The following FKBP9 variants were observed in gnomAD, a reference collection of about 807,000 sequenced individuals.
The protein encoded by FKBP9 is FKBP prolyl isomerase 9, also known as peptidyl-prolyl cis-trans isomerase FKBP9.
In FKBP9, 27 loss-of-function variants were observed where a neutral mutation model predicts 55.6. The ratio of observed to expected loss-of-function variants is 0.49; its 90% CI spans 0.36 to 0.67. FKBP9 has a LOEUF of 0.67. Ranked by LOEUF, FKBP9 falls within the 30% of genes least tolerant of loss-of-function variation. The pLI, the probability that FKBP9 is intolerant of heterozygous loss-of-function variation, is 0.00. For synonymous variants in FKBP9, 267 were observed against 296.5 expected (o/e 0.90, Z 1.02); for missense variants, 539 against 742.8 (o/e 0.73, Z 3.19).
Position 32,957,573 on chromosome 7 carries a change from G to A in FKBP9, c.-1G>A, listed in dbSNP as rs1051371832. The A allele has an allele frequency of 4.1e-6, 6 of 1,462,338 alleles. No individual in the cohort carries two copies. Among genetic ancestry groups the A allele is most frequent in the Non-Finnish European group, 3.6e-6 (4 of 1,116,378 alleles). 90.6% of individuals were successfully genotyped at this position (1,462,338 alleles called of 1,614,324 possible). A position where few individuals can be genotyped will look rare whatever the true frequency, so the allele number is the denominator to read the frequency against. On this transcript the variant is annotated 5_prime_UTR_variant, in exon 1 of 10. Coordinates refer to ENST00000242209, the MANE Select transcript of FKBP9 (RefSeq NM_007270.5). ...TCCGCGCCACTCTTCTCGCCGCCCC[G>A]ATGGCGTTCCGGGGCTGGAGGCCCC...
chr7:32,977,871 A>ATGTG (rs1491571709), intron 4 of FKBP9, among the ~76,000 whole-genome samples: 1 of 51,588 alleles, frequency 1.9e-5, no homozygotes, highest in African/African-American at 4.7e-5. Context: ...ATACATGCCC[A>ATGTG]TATATATATA....
intron 7 of FKBP9, among the ~76,000 whole-genome samples, chr7:32,996,607 TTCCTTCC>T (rs1784793376): frequency 1.4e-4 from 1 of 7,160 alleles, no homozygotes; most frequent in Non-Finnish European, 2.9e-4. Context: ...ACTGCTATCT[TTCCTTCC>T]TTCCTTCCTT....
chr7:32,957,706 G>C lies in FKBP9; in HGVS notation c.133G>C (p.Asp45His). 1 of 1,542,996 alleles carries C rather than the reference G, an allele frequency of 6.5e-7. No individual in the cohort carries two copies. The highest frequency in any genetic ancestry group is 8.7e-7 in the Non-Finnish European group (1 of 1,153,886). Reference protein sequence around the residue: ...ELQIERRFVPDECPRTVRSGD... With the variant: ...ELQIERRFVPHECPRTVRSGD... ...GCAGATCGAGCGGCGCTTCGTGCCC[G>C]ACGAGTGCCCGCGCACCGTGCGCAG... The change falls in exon 1 of 10, where the codon GAC (aspartate) becomes CAC (histidine). Residue 45 changes from aspartate to histidine, a missense_variant. Coordinates refer to ENST00000242209, the MANE Select transcript of FKBP9 (RefSeq NM_007270.5).
At chr7:32,983,315 C>T (rs899667971) in intron 5 of FKBP9, among the ~76,000 whole-genome samples, 1 of 151,528 alleles carries the variant, frequency 6.6e-6, no homozygotes, top group African/African-American at 2.4e-5. Context: ...TGAGCCACTG[C>T]GCCCTGCCTT....
In FKBP9 at chr7:32,975,315, T is replaced by C. The variant is rs1177459130; in HGVS notation, c.501T>C (p.Asp167=). The C allele has an allele frequency of 1.2e-6, 2 of 1,613,992 alleles. No homozygotes were observed. The change falls in exon 3 of 10, where the codon GAT becomes GAC. Residue 167 remains aspartate (D), a synonymous_variant. Coordinates refer to ENST00000242209, the MANE Select transcript of FKBP9 (RefSeq NM_007270.5). ...PSCPRTIQVS[D]FVRYHYNGTF... The stretch of plus-strand genomic sequence containing the variant: ...GCCCTCGGACCATCCAGGTGTCTGA[T>C]TTTGTGAGGTACCACTACAACGGGA...
intron 4 of FKBP9, chr7:32,979,703 A>C: frequency 1.3e-6 from 1 of 771,426 alleles, no homozygotes; most frequent in Non-Finnish European, 2.3e-6. Flanking sequence ...TAATCTCTTC[A>C]TGTGGATTTC....
In FKBP9 at chr7:32,988,537, C is replaced by T. The variant is rs1288328770; in HGVS notation, c.924C>T (p.Tyr308=). 1.9e-6 allele frequency: 3 copies of T among 1,613,872 alleles called. No individual in the cohort carries two copies. The highest frequency in any genetic ancestry group is 2.2e-5 in the South Asian group (2 of 91,072). The stretch of plus-strand genomic sequence containing the variant: ...CTCGGAACCGCACGTTTGACACGTA[C>T]ATTGGGCAGGGCTACGTGATTCCTG... ...SYSRNRTFDT[Y]IGQGYVIPGM... The change falls in exon 6 of 10, where the codon TAC becomes TAT. Residue 308 remains tyrosine (Y), a synonymous_variant. Transcript: ENST00000242209.
At chr7:32,990,024 G>A (rs1784650991) in intron 6 of FKBP9, among the ~76,000 whole-genome samples, 2 of 151,988 alleles carry the variant, frequency 1.3e-5, no homozygotes, top group East Asian at 3.9e-4. Flanking sequence ...GACAGACATG[G>A]TCTTGCTATG....
At chr7:32,974,407 G>A (rs1212179896) in intron 1 of FKBP9, among the ~76,000 whole-genome samples, 2 of 150,100 alleles carry the variant, frequency 1.3e-5, no homozygotes, top group African/African-American at 4.9e-5. Flanking sequence ...TATTGAACTA[G>A]ATTTGCTGGC....
At chr7:32,976,332 T>C in intron 3 of FKBP9, 22 bp from the exon 4 acceptor site, 2 of 1,613,952 alleles carry the variant, frequency 1.2e-6, no homozygotes, top group African/African-American at 1.3e-5. Context: ...TGGAACTTTT[T>C]CCCTTTCTCA....
rs202159628 is a variant in FKBP9, at chr7:32,975,281, C to T, written c.467C>T (p.Pro156Leu). 3.3e-4 allele frequency: 535 copies of T among 1,613,802 alleles called. 1 individual carries two copies. The highest frequency in any genetic ancestry group is 2.1e-4 in the Non-Finnish European group (247 of 1,179,702). Residue 156 changes from proline (P) to leucine (L), a missense_variant, in exon 3 of 10, where the codon CCC (proline) becomes CTC (leucine). This residue lies in a region of FKBP9 where 236 missense variants were observed against 271.5 expected (regional missense o/e 0.87). Coordinates refer to ENST00000242209, the MANE Select transcript of FKBP9 (RefSeq NM_007270.5). ...GTTCAGATTCACACCTATTTCAAGCCCCCGAGTTGCCCTCGGACCATCCAG... is the reference window on the plus strand; with the variant it reads ...GTTCAGATTCACACCTATTTCAAGCTCCCGAGTTGCCCTCGGACCATCCAG... ...DQVQIHTYFK[P>L]PSCPRTIQVS... is the part of the protein sequence containing the mutation.
intron 5 of FKBP9, among the ~76,000 whole-genome samples, chr7:32,987,420 A>G (rs1025547499): frequency 1.3e-5 from 2 of 151,350 alleles, no homozygotes; most frequent in Admixed American, 1.3e-4. Flanking sequence ...ACTTGAGCCC[A>G]GGAGGTTGAG....
At chr7:32,993,999 C>A (rs1329322758) in intron 6 of FKBP9, among the ~76,000 whole-genome samples, 1 of 152,106 alleles carries the variant, frequency 6.6e-6, no homozygotes, top group Non-Finnish European at 1.5e-5. Context: ...TATGAGTGTA[C>A]AAATATCTGT....
chr7:33,000,662 A>G (rs984015780), intron 8 of FKBP9, among the ~76,000 whole-genome samples: 64 of 151,924 alleles, frequency 4.2e-4, no homozygotes, highest in Non-Finnish European at 8.1e-4. Flanking sequence ...TGTCCAAGAC[A>G]GTTTCCTTTG....
At chr7:32,997,979 C>T (rs1043083672) in intron 7 of FKBP9, among the ~76,000 whole-genome samples, 11 of 152,140 alleles carry the variant, frequency 7.2e-5, no homozygotes, top group East Asian at 3.9e-4. Context: ...CAAGTAAAAA[C>T]GCTAACTGAT....
At chr7:32,977,880 T>TATACACTCATATATATATATAC (rs1562567382) in intron 4 of FKBP9, among the ~76,000 whole-genome samples, 3 of 138,594 alleles carry the variant, frequency 2.2e-5, no homozygotes, top group Non-Finnish European at 4.5e-5. Context: ...CATATATATA[T>TATACACTCATATATATATATAC]ATGTATATAT....
chr7:32,996,203 T>C lies in FKBP9; in HGVS notation c.1080T>C (p.His360=). 6.2e-7 allele frequency: 1 copy of C among 1,614,190 alleles called. No individual in the cohort carries two copies. Among genetic ancestry groups the C allele is most frequent in the Non-Finnish European group, 8.5e-7 (1 of 1,180,034 alleles). The change falls in exon 7 of 10, where the codon CAT becomes CAC. Residue 360 remains histidine (H), a synonymous_variant. Coordinates refer to ENST00000242209, the MANE Select transcript of FKBP9 (RefSeq NM_007270.5). ...PGSAVLVFDI[H]VIDFHNPSDS... ...CGGCTGTGCTGGTGTTTGACATCCA[T>C]GTGATCGACTTCCACAACCCTTCGG...
At chr7:32,974,979 A>G in intron 2 of FKBP9, 1 of 636,080 alleles carries the variant, frequency 1.6e-6, no homozygotes, top group South Asian at 2.0e-5. Context: ...TGATACCCTC[A>G]ATGAGAAGAA....
chr7:32,999,862 C>T (rs2127989016), intron 7 of FKBP9, among the ~76,000 whole-genome samples: 1 of 152,232 alleles, frequency 6.6e-6, no homozygotes, highest in East Asian at 1.9e-4. Context: ...GACCCCATTC[C>T]ACTATGCTTC....
Sources: gnomAD v4.1 joint callset for allele counts (sites outside exome capture counted in the v4.1 genomes callset) on GRCh38, gnomAD v4.1.1 for gene constraint, gnomAD v4.1.1 regional missense constraint, MANE v1.5 for transcripts, NCBI Gene and HGNC (gene_info 2026-07-23, HGNC 2026-07-21) for gene names.